SHISA9: variants seen among roughly 807,000 people sequenced by gnomAD.
The protein encoded by SHISA9 is shisa family member 9, also known as protein shisa-9.
A neutral mutation model predicts 38.0 loss-of-function variants in SHISA9; 13 were observed. The observed-to-expected ratio is 0.34, with a 90% CI of 0.22 to 0.54. The LOEUF (loss-of-function observed/expected upper bound fraction) is 0.54. Ranked by LOEUF, SHISA9 falls within the 20% of genes least tolerant of loss-of-function variation. SHISA9 has a pLI of 0.91. For synonymous variants in SHISA9, 275 were observed against 242.0 expected (o/e 1.14, Z -1.27); for missense variants, 538 against 575.8 (o/e 0.93, Z 0.67).
intron 3 of SHISA9, among the ~76,000 whole-genome samples, chr16:13,204,164 A>ATCTG (rs1555471107): frequency 8.2e-5 from 12 of 146,014 alleles, no homozygotes; most frequent in African/African-American, 3.1e-4. Context: ...CTATCTATCT[A>ATCTG]TCTATTTATC....
intron 2 of SHISA9, among the ~76,000 whole-genome samples, chr16:13,158,327 C>A (rs2050565147): frequency 6.6e-6 from 1 of 152,136 alleles, no homozygotes; most frequent in African/African-American, 2.4e-5. Context: ...AAGAACCCAA[C>A]TCTAAATGAT....
the SHISA9 span, among the ~76,000 whole-genome samples, chr16:13,296,758 G>A: frequency 1.3e-5 from 2 of 151,744 alleles, no homozygotes; most frequent in Non-Finnish European, 2.9e-5. Flanking sequence ...GGGTGTGGTT[G>A]TGGGTGCCTG....
the SHISA9 span, among the ~76,000 whole-genome samples, chr16:13,284,959 C>T: frequency 6.6e-6 from 1 of 152,108 alleles, no homozygotes; most frequent in Non-Finnish European, 1.5e-5. Flanking sequence ...TGTATGTTAC[C>T]TGTCTTAACT....
At chr16:13,561,869 GA>G in the SHISA9 span, among the ~76,000 whole-genome samples, 8 of 147,812 alleles carry the variant, frequency 5.4e-5, no homozygotes, top group East Asian at 3.9e-4. Context: ...ATTAGCTTAA[GA>G]AAAAAAAAAG....
intron 2 of SHISA9, among the ~76,000 whole-genome samples, chr16:13,145,925 C>T (rs971427239): frequency 2.0e-5 from 3 of 152,216 alleles, no homozygotes; most frequent in Admixed American, 6.5e-5. Flanking sequence ...AGGTGGCTCG[C>T]GCCTGTAATC....
the SHISA9 span, among the ~76,000 whole-genome samples, chr16:13,512,392 A>G: frequency 1.3e-5 from 2 of 152,180 alleles, no homozygotes. Context: ...TTCCACCCTC[A>G]TAGATAGAAT....
At chr16:13,133,468 C>T (rs1004664574) in intron 2 of SHISA9, among the ~76,000 whole-genome samples, 4 of 152,128 alleles carry the variant, frequency 2.6e-5, no homozygotes, top group Non-Finnish European at 2.9e-5. Flanking sequence ...AGTTCCTTCC[C>T]GAATGCTCCT....
At chr16:13,171,645 A>T (rs2050687764) in intron 2 of SHISA9, among the ~76,000 whole-genome samples, 1 of 152,034 alleles carries the variant, frequency 6.6e-6, no homozygotes, top group Non-Finnish European at 1.5e-5. Flanking sequence ...GGGAAATGAA[A>T]GGAGACCAGG....
downstream of SHISA9, among the ~76,000 whole-genome samples, chr16:13,243,215 T>G (rs431089): frequency 6.6e-6 from 1 of 151,390 alleles, no homozygotes; most frequent in East Asian, 1.9e-4. Context: ...ACTCCAACCC[T>G]GGGTGACAGT....
chr16:13,162,718 T>C (rs2050605910), intron 2 of SHISA9, among the ~76,000 whole-genome samples: 1 of 152,112 alleles, frequency 6.6e-6, no homozygotes, highest in South Asian at 2.1e-4. Flanking sequence ...ATGGATATTG[T>C]CATAAGAGAA....
intron 2 of SHISA9, among the ~76,000 whole-genome samples, chr16:13,173,785 CAG>C (rs2050709031): frequency 2.0e-5 from 3 of 152,144 alleles, no homozygotes; most frequent in Admixed American, 2.0e-4. Context: ...GCAATTACAA[CAG>C]AGTCAGGTCA....
At chr16:12,986,088 C>T (rs1420320795) in intron 2 of SHISA9, among the ~76,000 whole-genome samples, 2 of 150,630 alleles carry the variant, frequency 1.3e-5, no homozygotes, top group African/African-American at 5.0e-5. Context: ...GTGTCACCTG[C>T]ATCTTTACTG....
At chr16:13,368,525 AAG>A in the SHISA9 span, among the ~76,000 whole-genome samples, 2 of 152,140 alleles carry the variant, frequency 1.3e-5, no homozygotes, top group African/African-American at 2.4e-5. Context: ...TGTAGGAATG[AAG>A]AGAGAGGATA....
intron 2 of SHISA9, among the ~76,000 whole-genome samples, chr16:12,962,128 G>A (rs1319189586): frequency 6.6e-6 from 1 of 152,232 alleles, no homozygotes; most frequent in East Asian, 1.9e-4. Flanking sequence ...CGAAGGCACT[G>A]CTGTCCACTG....
the SHISA9 span, among the ~76,000 whole-genome samples, chr16:13,560,857 C>CT: frequency 3.3e-3 from 507 of 151,496 alleles, 4 homozygotes; most frequent in African/African-American, 0.011. Context: ...TTCTTAACAA[C>CT]TTTTTTTTGT....
the SHISA9 span, among the ~76,000 whole-genome samples, chr16:13,412,862 C>CA: frequency 1.3e-5 from 2 of 151,338 alleles, no homozygotes; most frequent in Non-Finnish European, 1.5e-5. Context: ...TCCCCCTAAC[C>CA]AAAAAAACAA....
intron 1 of SHISA9, among the ~76,000 whole-genome samples, chr16:12,913,526 G>T (rs1280199484): frequency 6.6e-6 from 1 of 152,168 alleles, no homozygotes; most frequent in Non-Finnish European, 1.5e-5. Context: ...AATGGCAAAA[G>T]TTGCAATTCT....
chr16:13,231,660 T>A (rs1209317356), intron 4 of SHISA9, among the ~76,000 whole-genome samples: 5 of 152,210 alleles, frequency 3.3e-5, no homozygotes, highest in African/African-American at 1.2e-4. Context: ...ACTTAAACTG[T>A]ATCATACATA....
chr16:13,483,678 C>G, the SHISA9 span, among the ~76,000 whole-genome samples: 1 of 151,976 alleles, frequency 6.6e-6, no homozygotes, highest in African/African-American at 2.4e-5. Flanking sequence ...CACCCATCCC[C>G]AGAGAGAGTC....
Sources: gnomAD v4.1 joint callset for allele counts (sites outside exome capture counted in the v4.1 genomes callset) on GRCh38, gnomAD v4.1.1 for gene constraint, MANE v1.5 for transcripts, NCBI Gene and HGNC (gene_info 2026-07-23, HGNC 2026-07-21) for gene names.